Variants in HIBCH observed in about 807,000 individuals in gnomAD.
HIBCH encodes 3-hydroxyisobutyryl-CoA hydrolase, mitochondrial.
In HIBCH, 50 loss-of-function variants were observed where a neutral mutation model predicts 58.2. That is an observed-to-expected ratio of 0.86 (90% confidence interval 0.68 to 1.09). HIBCH has a LOEUF of 1.09. HIBCH is among the 50% of genes least tolerant of loss of function. The pLI, the probability that HIBCH is intolerant of heterozygous loss-of-function variation, is 0.00. For missense variants in HIBCH, 450 were observed against 449.7 expected, an observed-to-expected ratio of 1.00 and a Z score of -0.01; for synonymous variants, 151 against 146.9, an observed-to-expected ratio of 1.03 and a Z score of -0.20.
chr2:190,192,452 C>CTGTGTGTGTGTGTGTGTG lies in HIBCH; in HGVS notation c.*18-2473_*18-2456dup, dbSNP rs147936734. On this transcript the variant is annotated intron_variant, in intron 1 of 1. Coordinates refer to the HIBCH transcript ENST00000399855. The stretch of plus-strand genomic sequence containing the variant: ...TGTGTTTCCATGTATAATTCAGAAT[C>CTGTGTGTGTGTGTGTGTG]TGTGTGTGTGTGTGTGTGTGTGTGT... 4.3e-3 allele frequency among the ~76,000 whole-genome samples: 628 copies of CTGTGTGTGTGTGTGTGTG among 145,320 alleles called. 8 individuals carry two copies. The highest frequency in any genetic ancestry group is 0.015 in the African/African-American group (586 of 39,030).
chr2:190,288,156 CTT>C (rs369704911), intron 5 of HIBCH, among the ~76,000 whole-genome samples: 2 of 141,658 alleles, frequency 1.4e-5, no homozygotes, highest in Non-Finnish European at 3.0e-5. Context: ...AAGACCCTAT[CTT>C]TTTTTTTTTT....
At chr2:190,287,215 C>T (rs1001200953) in intron 6 of HIBCH, among the ~76,000 whole-genome samples, 2 of 152,060 alleles carry the variant, frequency 1.3e-5, no homozygotes, top group African/African-American at 4.8e-5. Flanking sequence ...GTGTGTGCCA[C>T]CATGCTCAGC....
chr2:190,212,011 G>C (rs1483812414), intron 12 of HIBCH, among the ~76,000 whole-genome samples: 2 of 152,178 alleles, frequency 1.3e-5, no homozygotes, highest in Non-Finnish European at 2.9e-5. Flanking sequence ...CCATATCTCT[G>C]TCACTTAATA....
At chr2:190,235,233 A>C (rs4853503) in intron 11 of HIBCH, among the ~76,000 whole-genome samples, 9 of 152,066 alleles carry the variant, frequency 5.9e-5, no homozygotes, top group African/African-American at 2.2e-4. Flanking sequence ...CTGCTTAATT[A>C]ATCACAGGTT....
chr2:190,251,251 C>T (rs1686755196), intron 8 of HIBCH, among the ~76,000 whole-genome samples: 2 of 152,268 alleles, frequency 1.3e-5, no homozygotes, highest in Middle Eastern at 3.4e-3. Context: ...TATCCTAAAA[C>T]ACCCTTCCCT....
intron 6 of HIBCH, among the ~76,000 whole-genome samples, chr2:190,285,727 C>G (rs1365616941): frequency 6.6e-6 from 1 of 152,140 alleles, no homozygotes; most frequent in Non-Finnish European, 1.5e-5. Context: ...TGTCACGGCT[C>G]AGGATATGCT....
At chr2:190,295,458 T>C (rs291452) in intron 3 of HIBCH, among the ~76,000 whole-genome samples, 4,967 of 152,320 alleles carry the variant, frequency 0.033, 288 homozygotes, top group African/African-American at 0.11. Context: ...TGTGCACTTG[T>C]ATTTTGACTG....
At chr2:190,262,845 G>C (rs3791795) in intron 6 of HIBCH, among the ~76,000 whole-genome samples, 34,613 of 151,764 alleles carry the variant, frequency 0.23, 4,077 homozygotes, top group East Asian at 0.32. Flanking sequence ...CAAGATTTGA[G>C]CAAAAAGTTA....
Position 190,296,894 on chromosome 2 carries a change from C to T in HIBCH, c.138G>A (p.Thr46=), listed in dbSNP as rs561975623. 1.9e-5 allele frequency: 30 copies of T among 1,613,768 alleles called. No homozygotes were observed. Among genetic ancestry groups the T allele is most frequent in the Middle Eastern group, 3.3e-4 (2 of 6,062 alleles). The change falls in exon 3 of 14, where the codon ACG becomes ACA. Residue 46 remains threonine, a synonymous_variant. Transcript: ENST00000359678. ...TTGGTCTGTTTAGTGTTATGACTCC[C>T]GTGCAACCTTTTTTTTCCAATAGCA... The part of the protein sequence containing the change: ...EEVLLEKKGC[T]GVITLNRPKF...
intron 2 of HIBCH, among the ~76,000 whole-genome samples, chr2:190,305,831 A>G (rs2124848214): frequency 6.6e-6 from 1 of 152,334 alleles, no homozygotes; most frequent in East Asian, 1.9e-4. Flanking sequence ...CAGAATAAAG[A>G]GATTTCCCAC....
intron 6 of HIBCH, among the ~76,000 whole-genome samples, chr2:190,271,282 CTTTTTTTTTTT>C (rs35074167): frequency 1.2e-5 from 1 of 83,784 alleles, no homozygotes; most frequent in African/African-American, 4.9e-5. Flanking sequence ...CTCTACCCTA[CTTTTTTTTTTT>C]TTTTTTTTTT....
intron 10 of HIBCH, among the ~76,000 whole-genome samples, chr2:190,245,837 A>G (rs1686589822): frequency 6.6e-6 from 1 of 152,118 alleles, no homozygotes; most frequent in African/African-American, 2.4e-5. Context: ...TAAAAATACA[A>G]AAGTTCGACA....
chr2:190,314,810 T>G (rs1688672506), intron 1 of HIBCH, among the ~76,000 whole-genome samples: 1 of 152,108 alleles, frequency 6.6e-6, no homozygotes. Context: ...AGCTGTCACT[T>G]AAAATTTGAT....
At chr2:190,274,299 T>C (rs1302645216) in intron 6 of HIBCH, among the ~76,000 whole-genome samples, 1 of 152,256 alleles carries the variant, frequency 6.6e-6, no homozygotes, top group Non-Finnish European at 1.5e-5. Flanking sequence ...ATTCAATCTT[T>C]GAGCACTGTT....
chr2:190,263,599 T>C (rs1687153450), intron 6 of HIBCH, among the ~76,000 whole-genome samples: 1 of 152,174 alleles, frequency 6.6e-6, no homozygotes, highest in African/African-American at 2.4e-5. Context: ...TAATAAATTA[T>C]TTCCCCATCC....
chr2:190,215,547 T>C lies in HIBCH; in HGVS notation c.892-2472A>G, dbSNP rs1182436289. The C allele has an allele frequency of 6.6e-6, 1 of 152,186 alleles. No individual in the cohort carries two copies. Among genetic ancestry groups the C allele is most frequent in the African/African-American group, 2.4e-5 (1 of 41,434 alleles). 9.4% of individuals were successfully genotyped at this position (152,186 alleles called of 1,614,324 possible). On this transcript the variant is annotated intron_variant, in intron 11 of 13. Transcript: ENST00000359678. The surrounding 1 kb of genome is among the most constrained non-coding windows in gnomAD (Gnocchi z 4.4). The stretch of plus-strand genomic sequence containing the variant: ...AGAGGACCCAGTAGGGCAAGGCCTT[T>C]AATTTTAAAGGTTAATTTTCTGACT...
At chr2:190,288,511 T>C (rs1168435035) in intron 5 of HIBCH, among the ~76,000 whole-genome samples, 1 of 150,326 alleles carries the variant, frequency 6.7e-6, no homozygotes, top group African/African-American at 2.5e-5. Flanking sequence ...CAACTATCTA[T>C]GTTAGTAACT....
chr2:190,228,052 T>C (rs1017098934), intron 11 of HIBCH, among the ~76,000 whole-genome samples: 1 of 152,100 alleles, frequency 6.6e-6, no homozygotes, highest in Non-Finnish European at 1.5e-5. Flanking sequence ...CATTACCGAG[T>C]ATGTACCCAA....
intron 9 of HIBCH, among the ~76,000 whole-genome samples, chr2:190,249,326 C>T (rs553670598): frequency 6.6e-6 from 1 of 152,256 alleles, no homozygotes; most frequent in South Asian, 2.1e-4. Flanking sequence ...GTTTGCATCT[C>T]CACAAATAGT....
Sources: gnomAD v4.1 joint callset for allele counts (sites outside exome capture counted in the v4.1 genomes callset) on GRCh38, gnomAD v4.1.1 for gene constraint, Gnocchi (gnomAD v3.1) non-coding constraint, MANE v1.5 for transcripts, NCBI Gene and HGNC (gene_info 2026-07-23, HGNC 2026-07-21) for gene names.